The following COL4A2 variants were observed in gnomAD, a reference collection of about 807,000 sequenced individuals.
The protein encoded by COL4A2 is collagen type IV alpha 2 chain.
COL4A2 carries 99 observed loss-of-function variants against 200.2 expected under a neutral mutation model. The observed-to-expected ratio is 0.49, with a 90% CI of 0.42 to 0.58. The LOEUF (loss-of-function observed/expected upper bound fraction) is 0.58, where lower values mean the gene tolerates loss of function less well. Among genes scored for constraint, COL4A2 ranks in the 20% least tolerant of loss-of-function variants. COL4A2 has a pLI of 0.00. For missense variants in COL4A2, 1,950 were observed against 2,314.1 expected (o/e 0.84, Z 3.23); for synonymous variants, 897 against 900.6 (o/e 1.00, Z 0.07).
chr13:110,432,353 G>A lies in COL4A2; in HGVS notation c.677G>A (p.Gly226Glu). 1 of 1,609,618 alleles carries A rather than the reference G, an allele frequency of 6.2e-7. No homozygotes were observed. The change falls in exon 11 of 48, where the codon GGA (glycine) becomes GAA (glutamate). Residue 226 changes from glycine (G) to glutamate (E), a missense_variant. By Grantham distance (98) the Gly-to-Glu change is moderately conservative. Around this residue, in one of 2 missense-constraint regions of COL4A2, gnomAD observed 565 missense variants for 593.5 expected, o/e 0.95. Coordinates refer to ENST00000360467, the MANE Select transcript of COL4A2 (RefSeq NM_001846.4). ...PGPPGPPGPKGQQGNRGLGFY... is the reference protein window; with the variant it reads ...PGPPGPPGPKEQQGNRGLGFY... ...CCACCTGGACCCCCTGGACCAAAAG[G>A]ACAGCAAGTAAGTTGGTTTTGGGGG...
intron 3 of COL4A2, among the ~76,000 whole-genome samples, chr13:110,336,340 T>C (rs1377346911): frequency 6.6e-6 from 1 of 152,144 alleles, no homozygotes; most frequent in African/African-American, 2.4e-5. Flanking sequence ...TTCATGAAAA[T>C]AGATGAATTC....
At chr13:110,328,976 G>A (rs1445427483) in intron 3 of COL4A2, among the ~76,000 whole-genome samples, 1 of 152,182 alleles carries the variant, frequency 6.6e-6, no homozygotes, top group Admixed American at 6.5e-5. Flanking sequence ...AAAACCCATT[G>A]AGCTTTGTAG....
intron 4 of COL4A2, among the ~76,000 whole-genome samples, chr13:110,421,259 A>C (rs1037920206): frequency 6.6e-6 from 1 of 152,202 alleles, no homozygotes; most frequent in African/African-American, 2.4e-5. Flanking sequence ...CTAGGAACAC[A>C]CCCAAAAGAA....
chr13:110,448,993 G>A (rs897702952), intron 18 of COL4A2, among the ~76,000 whole-genome samples: 1 of 152,208 alleles, frequency 6.6e-6, no homozygotes, highest in African/African-American at 2.4e-5. Context: ...AGCAGGAGAC[G>A]CCATACACGG....
At chr13:110,375,755 G>C (rs996533595) in intron 4 of COL4A2, among the ~76,000 whole-genome samples, 3 of 152,002 alleles carry the variant, frequency 2.0e-5, no homozygotes, top group African/African-American at 7.2e-5. Flanking sequence ...ACTTGAACCC[G>C]GGAGTCGGAG....
At position 110,492,064 on chromosome 13, in the gene COL4A2, C is replaced by T. The variant is rs1446540172; in HGVS notation, c.3455-6C>T. 2 of 1,550,866 alleles carry T rather than the reference C, an allele frequency of 1.3e-6. No individual in the cohort carries two copies. Among genetic ancestry groups the T allele is most frequent in the Non-Finnish European group, 1.7e-6 (2 of 1,146,582 alleles). ...TGCTCAGACTTAATGCTGTGTTCAC[C>T]CCCAGGCTTTCCAGGGCTGACTGGG... On this transcript the variant is annotated splice_polypyrimidine_tract_variant and splice_region_variant and intron_variant, in intron 37 of 47. Coordinates refer to ENST00000360467, the MANE Select transcript of COL4A2 (RefSeq NM_001846.4).
Position 110,307,605 on chromosome 13 carries a change from T to A in COL4A2, c.-45+77T>A. On this transcript the variant is annotated intron_variant, in intron 1 of 47. Coordinates refer to ENST00000360467, the MANE Select transcript of COL4A2 (RefSeq NM_001846.4). This position sits in a 1 kb window ranked among gnomAD's most constrained non-coding sequence, Gnocchi z 5.0. Reference sequence around the variant, plus strand: ...TGGAGCGCCTTGTGCAGGCTAGGGCTGCACGCTCTCCTGCTTGGGAGTAGA... The same window carrying A: ...TGGAGCGCCTTGTGCAGGCTAGGGCAGCACGCTCTCCTGCTTGGGAGTAGA... 1.9e-6 allele frequency: 1 copy of A among 516,794 alleles called. No homozygotes were observed. Among genetic ancestry groups the A allele is most frequent in the Non-Finnish European group, 3.4e-6 (1 of 293,748 alleles). The allele number at this position is 516,794 out of a possible 1,614,324, so 32.0% of individuals were successfully genotyped here. A position where few individuals can be genotyped will look rare whatever the true frequency, so the allele number is the denominator to read the frequency against.
At chr13:110,412,900 TC>T (rs1252192388) in intron 4 of COL4A2, among the ~76,000 whole-genome samples, 1 of 152,132 alleles carries the variant, frequency 6.6e-6, no homozygotes, top group Non-Finnish European at 1.5e-5. Flanking sequence ...TTTTTATGAC[TC>T]CACTTGAGAG....
intron 3 of COL4A2, among the ~76,000 whole-genome samples, chr13:110,348,255 T>G (rs1876801124): frequency 6.6e-6 from 1 of 152,226 alleles, no homozygotes; most frequent in African/African-American, 2.4e-5. Flanking sequence ...CTTCAGGCAT[T>G]TCACCATCTT....
chr13:110,357,668 A>G (rs1361103109), intron 4 of COL4A2, 116 bp downstream of exon 4: 2 of 1,438,160 alleles, frequency 1.4e-6, no homozygotes, highest in African/African-American at 2.8e-5. Context: ...TTGCTTGAAC[A>G]TACTGGAGAG....
chr13:110,486,756 G>A (rs1044921551), intron 34 of COL4A2, among the ~76,000 whole-genome samples: 2 of 152,076 alleles, frequency 1.3e-5, no homozygotes, highest in African/African-American at 2.4e-5. Flanking sequence ...AAAGGAAAAA[G>A]GGGGGTTGTT....
intron 20 of COL4A2, among the ~76,000 whole-genome samples, chr13:110,454,523 G>A (rs1218363353): frequency 6.6e-6 from 1 of 152,136 alleles, no homozygotes; most frequent in Admixed American, 6.5e-5. Flanking sequence ...TGGAGACAGA[G>A]AACAAAGCTC....
chr13:110,446,390 C>T (rs1881325774), intron 17 of COL4A2, among the ~76,000 whole-genome samples: 1 of 152,176 alleles, frequency 6.6e-6, no homozygotes, highest in Non-Finnish European at 1.5e-5. Context: ...GGGATGCTGC[C>T]TTATGACAAA....
In COL4A2 at chr13:110,458,903, A is replaced by G; in HGVS notation, c.1565A>G (p.Gln522Arg). The stretch of plus-strand genomic sequence containing the variant: ...AAAGGGGACAGAGGAGACCCCGGCC[A>G]ACACGGCCTCCCTGGGTTCCCAGGG... Reference protein sequence around the residue: ...GRKGDRGDPGQHGLPGFPGLK... With the variant: ...GRKGDRGDPGRHGLPGFPGLK... Residue 522 changes from glutamine (Q) to arginine (R), a missense_variant, in exon 22 of 48, where the codon CAA (glutamine) becomes CGA (arginine). Gln to Arg is a conservative substitution (Grantham distance 43, BLOSUM62 1). Transcript: ENST00000360467. 4 of 1,593,466 alleles carry G rather than the reference A, an allele frequency of 2.5e-6. No individual in the cohort carries two copies. The highest frequency in any genetic ancestry group is 3.4e-6 in the Non-Finnish European group (4 of 1,170,214).
intron 40 of COL4A2, among the ~76,000 whole-genome samples, chr13:110,501,238 G>C (rs1487451419): frequency 2.6e-5 from 4 of 152,238 alleles, no homozygotes; most frequent in Admixed American, 2.6e-4. Flanking sequence ...GTTGACAATA[G>C]TGATGTCAAT....
chr13:110,450,196 G>T, intron 19 of COL4A2, 109 bp from the exon 20 acceptor site: 1 of 874,636 alleles, frequency 1.1e-6, no homozygotes, highest in South Asian at 1.6e-5. Flanking sequence ...AGTTATTGAC[G>T]GGGCCATGAA....
intron 4 of COL4A2, among the ~76,000 whole-genome samples, chr13:110,374,520 G>A (rs1878153922): frequency 6.6e-6 from 1 of 152,166 alleles, no homozygotes; most frequent in African/African-American, 2.4e-5. Flanking sequence ...CCACAGTTTT[G>A]TGAATTAAAT....
chr13:110,363,478 A>C (rs1877603409), intron 4 of COL4A2, among the ~76,000 whole-genome samples: 1 of 152,208 alleles, frequency 6.6e-6, no homozygotes, highest in Admixed American at 6.5e-5. Context: ...GAGCAAAAAT[A>C]GCTGCCAAGA....
chr13:110,470,949 A>G (rs1247420587), intron 28 of COL4A2, among the ~76,000 whole-genome samples: 1 of 152,078 alleles, frequency 6.6e-6, no homozygotes, highest in Non-Finnish European at 1.5e-5. Context: ...CTGTGTCTGT[A>G]TCAAGGCCCT....
Sources: gnomAD v4.1 joint callset for allele counts (sites outside exome capture counted in the v4.1 genomes callset) on GRCh38, gnomAD v4.1.1 for gene constraint, gnomAD v4.1.1 regional missense constraint, Gnocchi (gnomAD v3.1) non-coding constraint, MANE v1.5 for transcripts, NCBI Gene and HGNC (gene_info 2026-07-23, HGNC 2026-07-21) for gene names.